The following PTPN13 variants were observed in gnomAD, a reference collection of about 807,000 sequenced individuals.
The protein encoded by PTPN13 is protein tyrosine phosphatase non-receptor type 13.
A neutral mutation model predicts 284.0 loss-of-function variants in PTPN13; 191 were observed. The observed-to-expected ratio is 0.67, with a 90% CI of 0.60 to 0.76. The LOEUF (loss-of-function observed/expected upper bound fraction) is 0.76. Among genes scored for constraint, PTPN13 ranks in the 30% least tolerant of loss-of-function variants. The pLI, the probability that PTPN13 is intolerant of heterozygous loss-of-function variation, is 0.00. For synonymous variants in PTPN13, 986 were observed against 1,022.3 expected, an observed-to-expected ratio of 0.96 and a Z score of 0.68; for missense variants, 2,797 against 2,939.9, an observed-to-expected ratio of 0.95 and a Z score of 1.12.
chr4:86,621,526 C>CT, intron 1 of PTPN13, among the ~76,000 whole-genome samples: 1 of 152,144 alleles, frequency 6.6e-6, no homozygotes, highest in East Asian at 1.9e-4. Context: ...TGTACTTGAG[C>CT]TTTTTTGGTG....
At chr4:86,689,625 T>G in intron 5 of PTPN13, 1 of 702,142 alleles carries the variant, frequency 1.4e-6, no homozygotes, top group Admixed American at 2.0e-5. Context: ...TCTAGGTATT[T>G]CCCAAACCTT....
At chr4:86,657,123 C>T (rs1725928456) in intron 2 of PTPN13, among the ~76,000 whole-genome samples, 1 of 152,156 alleles carries the variant, frequency 6.6e-6, no homozygotes, top group African/African-American at 2.4e-5. Context: ...TGCCATCTGT[C>T]ACAGCTTCCC....
chr4:86,758,435 C>A, intron 21 of PTPN13, 86 bp downstream of exon 21: 1 of 1,159,750 alleles, frequency 8.6e-7, no homozygotes, highest in Non-Finnish European at 1.3e-6. Context: ...ATTGCAGTGC[C>A]AGCTCACTTC....
chr4:86,660,908 G>T (rs866514799), intron 2 of PTPN13, among the ~76,000 whole-genome samples: 24 of 152,060 alleles, frequency 1.6e-4, no homozygotes, highest in African/African-American at 3.9e-4. Context: ...AGTTGCTACA[G>T]TTCATCTTCT....
At chr4:86,605,603 T>C (rs1037192597) in intron 1 of PTPN13, among the ~76,000 whole-genome samples, 1 of 151,874 alleles carries the variant, frequency 6.6e-6, no homozygotes, top group Non-Finnish European at 1.5e-5. Context: ...AAGATAGATG[T>C]GGGCCTATTG....
chr4:86,733,757 G>T (rs1444039372), intron 12 of PTPN13, among the ~76,000 whole-genome samples: 2 of 152,102 alleles, frequency 1.3e-5, no homozygotes, highest in African/African-American at 4.8e-5. Context: ...AAATTGTATT[G>T]AATAATTCTT....
intron 40 of PTPN13, among the ~76,000 whole-genome samples, chr4:86,792,381 G>A (rs1742791068): frequency 6.6e-6 from 1 of 152,204 alleles, no homozygotes; most frequent in South Asian, 2.1e-4. Flanking sequence ...ATCTACATTT[G>A]ATTGGTGTAC....
At chr4:86,640,596 A>C (rs563537317) in intron 2 of PTPN13, among the ~76,000 whole-genome samples, 1 of 152,326 alleles carries the variant, frequency 6.6e-6, no homozygotes, top group East Asian at 1.9e-4. Flanking sequence ...TAAGTACTAC[A>C]GATGTTCAGA....
intron 23 of PTPN13, among the ~76,000 whole-genome samples, chr4:86,761,843 T>A (rs1317326451): frequency 6.6e-6 from 1 of 152,238 alleles, no homozygotes; most frequent in Non-Finnish European, 1.5e-5. Context: ...CTCCAGTTGC[T>A]CATTACTCTT....
intron 20 of PTPN13, among the ~76,000 whole-genome samples, chr4:86,756,021 A>G (rs897519948): frequency 2.6e-5 from 4 of 151,608 alleles, no homozygotes; most frequent in African/African-American, 9.7e-5. Context: ...TGGGAACTGT[A>G]TGCCTAATGG....
chr4:86,751,275 C>T (rs189760900), intron 19 of PTPN13, among the ~76,000 whole-genome samples, 151 bp downstream of exon 19: 1 of 152,232 alleles, frequency 6.6e-6, no homozygotes, highest in Admixed American at 6.5e-5. Context: ...TGCACCAAAT[C>T]AAATTACCAC....
chr4:86,714,182 G>T (rs1355921344), intron 7 of PTPN13, among the ~76,000 whole-genome samples: 1 of 151,722 alleles, frequency 6.6e-6, no homozygotes, highest in Non-Finnish European at 1.5e-5. Context: ...ACTTTTTGCT[G>T]ACTTTTATCA....
chr4:86,672,361 C>A lies in PTPN13; in HGVS notation c.116-4C>A. ...TTTTTTATTTTGGTGCAATTACAAA[C>A]CAGTAAGCCTAGCTGATCCTGCTGC... On this transcript the variant is annotated splice_polypyrimidine_tract_variant and splice_region_variant and intron_variant, in intron 2 of 47. Coordinates refer to ENST00000411767, the MANE Select transcript of PTPN13 (RefSeq NM_080683.3). The A allele has an allele frequency of 6.6e-7, 1 of 1,525,282 alleles. No homozygotes were observed. The allele number at this position is 1,525,282 out of a possible 1,614,324, so 94.5% of individuals were successfully genotyped here.
At chr4:86,771,975 G>C (rs1409400395) in intron 31 of PTPN13, among the ~76,000 whole-genome samples, 1 of 152,004 alleles carries the variant, frequency 6.6e-6, no homozygotes, top group African/African-American at 2.4e-5. Context: ...CAAAGAGAAG[G>C]ACTACATCAA....
chr4:86,667,871 G>A (rs917899896), intron 2 of PTPN13, among the ~76,000 whole-genome samples: 3 of 152,068 alleles, frequency 2.0e-5, no homozygotes, highest in South Asian at 2.1e-4. Flanking sequence ...TCCTTACCAT[G>A]TTTGTTGCCT....
At chr4:86,667,682 C>T (rs1052718007) in intron 2 of PTPN13, among the ~76,000 whole-genome samples, 7 of 152,076 alleles carry the variant, frequency 4.6e-5, no homozygotes, top group Non-Finnish European at 8.8e-5. Flanking sequence ...TTGTCAAATC[C>T]TTCAGAGTTT....
chr4:86,728,038 G>A (rs190168458), intron 10 of PTPN13, among the ~76,000 whole-genome samples: 1 of 149,596 alleles, frequency 6.7e-6, no homozygotes, highest in Non-Finnish European at 1.5e-5. Context: ...TGGTTTCAAA[G>A]AACATCTTTA....
At chr4:86,613,227 A>G (rs894183044) in intron 1 of PTPN13, among the ~76,000 whole-genome samples, 1 of 152,192 alleles carries the variant, frequency 6.6e-6, no homozygotes, top group Admixed American at 6.5e-5. Flanking sequence ...CATGTGGGTA[A>G]CCTCTGCCGA....
At chr4:86,727,161 G>A (rs1445089327) in intron 10 of PTPN13, among the ~76,000 whole-genome samples, 1 of 149,530 alleles carries the variant, frequency 6.7e-6, no homozygotes, top group East Asian at 1.9e-4. Context: ...CAGGGATGAA[G>A]CCCACTTGAT....
Sources: allele counts gnomAD v4.1 joint callset (sites outside exome capture counted in the v4.1 genomes callset), GRCh38; gene constraint gnomAD v4.1.1; transcripts MANE v1.5; gene names NCBI Gene and HGNC (gene_info 2026-07-23, HGNC 2026-07-21).